The following EPHA6 variants were observed in gnomAD, a reference collection of about 807,000 sequenced individuals.
The protein encoded by EPHA6 is ephrin type-A receptor 6.
A neutral mutation model predicts 112.0 loss-of-function variants in EPHA6; 50 were observed. The ratio of observed to expected loss-of-function variants is 0.45; its 90% confidence interval spans 0.36 to 0.56. The LOEUF (loss-of-function observed/expected upper bound fraction) is 0.56. Among genes scored for constraint, EPHA6 ranks in the 20% least tolerant of loss-of-function variants. EPHA6 has a pLI of 0.00. For missense variants in EPHA6, 1,280 were observed against 1,417.4 expected (o/e 0.90, Z 1.56); for synonymous variants, 529 against 490.7 (o/e 1.08, Z -1.03).
intron 3 of EPHA6, among the ~76,000 whole-genome samples, chr3:97,214,387 T>C (rs894818474): frequency 8.6e-5 from 13 of 150,608 alleles, no homozygotes; most frequent in Non-Finnish European, 1.8e-4. Flanking sequence ...TTGGATTGAA[T>C]ATTTTGAAGC....
chr3:97,173,061 TCCC>T (rs1460799447), intron 3 of EPHA6, among the ~76,000 whole-genome samples: 1 of 151,862 alleles, frequency 6.6e-6, no homozygotes, highest in Non-Finnish European at 1.5e-5. Flanking sequence ...TTTTATTACC[TCCC>T]ATGCCATATA....
intron 2 of EPHA6, among the ~76,000 whole-genome samples, chr3:96,981,706 C>T (rs879250746): frequency 6.6e-6 from 1 of 151,960 alleles, no homozygotes; most frequent in Non-Finnish European, 1.5e-5. Flanking sequence ...GTTTCCTAGG[C>T]TATTAATTAT....
At chr3:97,059,244 C>CA (rs576577892) in intron 3 of EPHA6, among the ~76,000 whole-genome samples, 1 of 152,130 alleles carries the variant, frequency 6.6e-6, no homozygotes, top group Non-Finnish European at 1.5e-5. Context: ...TTTTTCTTCT[C>CA]AAATGATTTT....
intron 2 of EPHA6, among the ~76,000 whole-genome samples, chr3:96,931,522 G>A (rs1483859849): frequency 6.6e-6 from 1 of 152,204 alleles, no homozygotes; most frequent in Non-Finnish European, 1.5e-5. Flanking sequence ...TTAGTGAGGA[G>A]GAATAGATCA....
intron 13 of EPHA6, among the ~76,000 whole-genome samples, chr3:97,625,856 C>T (rs568535421): frequency 3.2e-4 from 48 of 151,632 alleles, no homozygotes; most frequent in African/African-American, 1.1e-3. Flanking sequence ...ATCAAGGAAC[C>T]TAGTGGAGGA....
At chr3:97,525,340 C>A (rs369757263) in intron 10 of EPHA6, among the ~76,000 whole-genome samples, 2 of 152,046 alleles carry the variant, frequency 1.3e-5, no homozygotes, top group African/African-American at 2.4e-5. Flanking sequence ...CTGTTTGGTT[C>A]TTTTCCACGG....
intron 5 of EPHA6, among the ~76,000 whole-genome samples, chr3:97,267,550 T>C (rs552965079): frequency 6.6e-6 from 1 of 152,220 alleles, no homozygotes; most frequent in South Asian, 2.1e-4. Context: ...AATGAATGCA[T>C]AAACGAAAAA....
At chr3:97,314,129 A>G (rs1341960487) in intron 5 of EPHA6, among the ~76,000 whole-genome samples, 1 of 151,654 alleles carries the variant, frequency 6.6e-6, no homozygotes, top group Non-Finnish European at 1.5e-5. Flanking sequence ...TTTATTGAAG[A>G]GACTGTCCTT....
chr3:97,325,537 G>A (rs930252919), intron 5 of EPHA6, among the ~76,000 whole-genome samples: 12 of 152,006 alleles, frequency 7.9e-5, no homozygotes, highest in Non-Finnish European at 1.5e-4. Flanking sequence ...AGGGGTCTAG[G>A]CTTCAACATT....
At chr3:97,230,473 G>C (rs558011810) in intron 4 of EPHA6, among the ~76,000 whole-genome samples, 2 of 151,988 alleles carry the variant, frequency 1.3e-5, no homozygotes, top group East Asian at 3.9e-4. Flanking sequence ...TTTCAGAAAT[G>C]CTAGCCTAGC....
At chr3:97,260,448 C>G (rs1274280561) in intron 5 of EPHA6, among the ~76,000 whole-genome samples, 2 of 152,162 alleles carry the variant, frequency 1.3e-5, no homozygotes, top group Non-Finnish European at 2.9e-5. Context: ...GACAATTTGC[C>G]CACAGAATTA....
At chr3:97,600,200 T>C (rs2093631902) in intron 12 of EPHA6, among the ~76,000 whole-genome samples, 1 of 150,484 alleles carries the variant, frequency 6.6e-6, no homozygotes, top group Non-Finnish European at 1.5e-5. Flanking sequence ...TATACAATCA[T>C]GTCGTCTGCA....
chr3:97,150,550 A>C (rs572154674), intron 3 of EPHA6, among the ~76,000 whole-genome samples: 2 of 151,646 alleles, frequency 1.3e-5, no homozygotes, highest in African/African-American at 4.8e-5. Context: ...CTAAGTATGC[A>C]CCTGTCTCTG....
At chr3:96,852,659 G>A (rs2035465713) in intron 1 of EPHA6, among the ~76,000 whole-genome samples, 2 of 149,522 alleles carry the variant, frequency 1.3e-5, no homozygotes, top group African/African-American at 4.9e-5. Context: ...CCTTCAACCT[G>A]TTGCCCTCCA....
chr3:97,537,255 AT>A lies in EPHA6; in HGVS notation c.2386+4720del, dbSNP rs977418776. Among the ~76,000 whole-genome samples, 3 of 151,924 alleles carry A rather than the reference AT, an allele frequency of 2.0e-5. No individual in the cohort carries two copies. In the South Asian group the frequency reaches 6.2e-4, roughly 32 times the overall value. Reference sequence around the variant, plus strand: ...GTCTGATTTTACTGATATACATTAGATTTTTTTTACCCCTGAGGTTCAGCTC... The same window carrying A: ...GTCTGATTTTACTGATATACATTAGATTTTTTTACCCCTGAGGTTCAGCTC... On this transcript the variant is annotated intron_variant, in intron 11 of 17. Coordinates refer to ENST00000389672, the MANE Select transcript of EPHA6 (RefSeq NM_001080448.3).
At chr3:97,589,385 C>T (rs1201848958) in intron 11 of EPHA6, among the ~76,000 whole-genome samples, 1 of 152,152 alleles carries the variant, frequency 6.6e-6, no homozygotes, top group African/African-American at 2.4e-5. Context: ...CAGAAGGAAG[C>T]ATGCAGGCCA....
intron 3 of EPHA6, among the ~76,000 whole-genome samples, chr3:97,064,315 C>T (rs13314794): frequency 0.13 from 19,905 of 152,096 alleles, 2,157 homozygotes; most frequent in African/African-American, 0.3. Context: ...AATGATTACA[C>T]GTGTGCTCCT....
chr3:97,507,523 C>T (rs1355018627), intron 10 of EPHA6, among the ~76,000 whole-genome samples: 4 of 152,086 alleles, frequency 2.6e-5, no homozygotes, highest in Non-Finnish European at 5.9e-5. Flanking sequence ...CTGACTTAAT[C>T]GTGGTGGATA....
intron 14 of EPHA6, among the ~76,000 whole-genome samples, chr3:97,676,017 A>G (rs1333564213): frequency 6.6e-6 from 1 of 152,140 alleles, no homozygotes; most frequent in Non-Finnish European, 1.5e-5. Flanking sequence ...AGGGAGGAGC[A>G]GTCGTAGAGG....
Sources: allele counts gnomAD v4.1 joint callset (sites outside exome capture counted in the v4.1 genomes callset), GRCh38; gene constraint gnomAD v4.1.1; transcripts MANE v1.5; gene names NCBI Gene and HGNC (gene_info 2026-07-23, HGNC 2026-07-21).